The following TOGARAM1 variants were observed in gnomAD, a reference collection of about 807,000 sequenced individuals.
The protein encoded by TOGARAM1 is TOG array regulator of axonemal microtubules protein 1.
A neutral mutation model predicts 166.6 loss-of-function variants in TOGARAM1; 100 were observed. The observed-to-expected ratio is 0.60, with a 90% CI of 0.51 to 0.71. The LOEUF is 0.71. Among genes scored for constraint, TOGARAM1 ranks in the 30% least tolerant of loss-of-function variants. TOGARAM1 has a pLI of 0.00. For missense variants in TOGARAM1, 2,029 were observed against 2,102.7 expected, an observed-to-expected ratio of 0.96 and a Z score of 0.69; for synonymous variants, 758 against 763.8, an observed-to-expected ratio of 0.99 and a Z score of 0.13.
rs557474851 is a variant in TOGARAM1, at chr14:45,016,061, T to A, written c.3238+3986T>A. ...TTTGTAAATTCTGGATTAAAAAAAA[T>A]TTTTTTTTTTTAGTGTAAAGTTAAA... On this transcript the variant is annotated intron_variant, in intron 7 of 19. Transcript: ENST00000361462. Among the ~76,000 whole-genome samples the A allele has an allele frequency of 1.3e-4, 19 of 147,694 alleles. 1 individual carries two copies. The highest frequency in any genetic ancestry group is 9.8e-4 in the East Asian group (5 of 5,094).
At chr14:44,982,698 G>A (rs182576394) in intron 1 of TOGARAM1, among the ~76,000 whole-genome samples, 7 of 152,290 alleles carry the variant, frequency 4.6e-5, no homozygotes, top group Admixed American at 2.6e-4. Context: ...AAGTTATTCA[G>A]CATCTGTCTT....
intron 15 of TOGARAM1, among the ~76,000 whole-genome samples, chr14:45,054,037 G>A (rs745806948): frequency 2.0e-5 from 3 of 151,808 alleles, no homozygotes; most frequent in Non-Finnish European, 4.4e-5. Flanking sequence ...TGCCCAGCTA[G>A]TTTTTGTGCT....
At chr14:45,070,856 A>G (rs978678496) in intron 18 of TOGARAM1, among the ~76,000 whole-genome samples, 1 of 152,198 alleles carries the variant, frequency 6.6e-6, no homozygotes, top group Non-Finnish European at 1.5e-5. Context: ...TTATTATTTC[A>G]AAATTAAAAC....
chr14:45,021,290 C>T (rs553412186), intron 7 of TOGARAM1, among the ~76,000 whole-genome samples: 8 of 151,874 alleles, frequency 5.3e-5, no homozygotes, highest in African/African-American at 1.2e-4. Flanking sequence ...ACAGCAGTTG[C>T]GGGGCATATG....
chr14:45,027,798 G>C (rs1049425943), intron 9 of TOGARAM1, among the ~76,000 whole-genome samples: 1 of 151,758 alleles, frequency 6.6e-6, no homozygotes, highest in African/African-American at 2.4e-5. Context: ...GAGCTCGGAC[G>C]GTCGGACTTG....
In TOGARAM1 at chr14:44,962,839, C is replaced by T. The variant is rs2138696843; in HGVS notation, c.418C>T (p.Leu140=). 6.2e-7 allele frequency: 1 copy of T among 1,613,262 alleles called. No individual in the cohort carries two copies. Among genetic ancestry groups the T allele is most frequent in the Non-Finnish European group, 8.5e-7 (1 of 1,180,022 alleles). ...PRRKEALYRA[L]GRVLVEGGSD... ...ACGCAAGGAAGCTTTGTATCGGGCA[C>T]TGGGCCGAGTGCTTGTGGAAGGAGG... The change falls in exon 1 of 20, where the codon CTG becomes TTG. Residue 140 remains leucine (L), a synonymous_variant. Coordinates refer to ENST00000361462, the MANE Select transcript of TOGARAM1 (RefSeq NM_001308120.2).
chr14:44,968,670 G>T (rs531032853), intron 1 of TOGARAM1, among the ~76,000 whole-genome samples: 1 of 152,244 alleles, frequency 6.6e-6, no homozygotes, highest in South Asian at 2.1e-4. Flanking sequence ...TACTTTAGGG[G>T]TACATTTGTT....
intron 1 of TOGARAM1, among the ~76,000 whole-genome samples, chr14:44,965,838 C>G (rs1302024758): frequency 6.7e-6 from 1 of 148,800 alleles, no homozygotes; most frequent in African/African-American, 2.5e-5. Context: ...TTACCTGTAT[C>G]ATTTATTACA....
At chr14:45,073,188 C>A in intron 19 of TOGARAM1, 108 bp from the exon 20 acceptor site, 1 of 1,117,216 alleles carries the variant, frequency 9.0e-7, no homozygotes, top group Non-Finnish European at 1.2e-6. Context: ...CTTTTTAGGA[C>A]AAATTACATA....
intron 7 of TOGARAM1, among the ~76,000 whole-genome samples, chr14:45,013,259 T>C (rs1879918649): frequency 6.6e-6 from 1 of 152,182 alleles, no homozygotes; most frequent in Non-Finnish European, 1.5e-5. Context: ...ACAAACAAGA[T>C]TATTACCTCT....
At chr14:44,979,397 A>G (rs770595492) in intron 1 of TOGARAM1, among the ~76,000 whole-genome samples, 26 of 152,076 alleles carry the variant, frequency 1.7e-4, no homozygotes, top group Non-Finnish European at 3.7e-4. Context: ...GGTGGAAGGG[A>G]CAAACAAGCT....
chr14:45,015,482 G>A (rs545491072), intron 7 of TOGARAM1, among the ~76,000 whole-genome samples: 1 of 151,364 alleles, frequency 6.6e-6, no homozygotes, highest in South Asian at 2.1e-4. Context: ...GGTTGTAATA[G>A]CTGCAGAGTA....
chr14:45,067,764 A>G (rs969184624), intron 17 of TOGARAM1, among the ~76,000 whole-genome samples: 5 of 152,130 alleles, frequency 3.3e-5, no homozygotes, highest in Non-Finnish European at 5.9e-5. Context: ...AAAATAATAA[A>G]TAAGTATTAG....
intron 1 of TOGARAM1, among the ~76,000 whole-genome samples, chr14:44,981,983 C>T (rs1214224573): frequency 6.6e-6 from 1 of 151,644 alleles, no homozygotes; most frequent in Non-Finnish European, 1.5e-5. Context: ...GCTGGGATTA[C>T]AGGGGCACGC....
At chr14:45,042,058 C>G (rs1274062259) in intron 11 of TOGARAM1, 1 of 152,238 alleles carries the variant, frequency 6.6e-6, no homozygotes, top group African/African-American at 2.4e-5. Context: ...CCTGGCCTCT[C>G]ATTTCTTTAC....
chr14:44,978,214 A>G (rs1886320837), intron 1 of TOGARAM1: 1 of 152,220 alleles, frequency 6.6e-6, no homozygotes, highest in Non-Finnish European at 1.5e-5. Flanking sequence ...GGAGCAAAAT[A>G]CGAGGTATAG....
chr14:44,985,656 A>C lies in TOGARAM1; in HGVS notation c.2047-10090A>C, dbSNP rs1459228573. Among the ~76,000 whole-genome samples the C allele has an allele frequency of 2.0e-5, 3 of 152,330 alleles. No homozygotes were observed. The East Asian group carries it at 5.8e-4, about 29-fold the overall frequency. ...CCAGTGATGGGGAGCTACTGTAAAT[A>C]CATTTGAAGCTTTGCTCCCTTGCCC... On this transcript the variant is annotated intron_variant, in intron 1 of 19. Coordinates refer to ENST00000361462, the MANE Select transcript of TOGARAM1 (RefSeq NM_001308120.2).
chr14:45,011,427 C>A (rs2138859752), intron 6 of TOGARAM1, among the ~76,000 whole-genome samples: 1 of 152,286 alleles, frequency 6.6e-6, no homozygotes, highest in Non-Finnish European at 1.5e-5. Flanking sequence ...ATCCTCCCAC[C>A]TCGGCCTCTG....
chr14:45,015,682 C>T (rs1880090537), intron 7 of TOGARAM1, among the ~76,000 whole-genome samples: 1 of 151,404 alleles, frequency 6.6e-6, no homozygotes, highest in African/African-American at 2.4e-5. Flanking sequence ...TTAATCCTAA[C>T]AACAGATGTA....
Sources: allele counts gnomAD v4.1 joint callset (sites outside exome capture counted in the v4.1 genomes callset), GRCh38; gene constraint gnomAD v4.1.1; transcripts MANE v1.5; gene names NCBI Gene and HGNC (gene_info 2026-07-23, HGNC 2026-07-21).